The following GOLGA4 variants were observed in gnomAD, a reference collection of about 807,000 sequenced individuals.
GOLGA4 encodes golgin A4.
A neutral mutation model predicts 265.9 loss-of-function variants in GOLGA4; 169 were observed. The ratio of observed to expected loss-of-function variants is 0.64; its 90% CI spans 0.56 to 0.72. GOLGA4 has a LOEUF of 0.72. Among genes scored for constraint, GOLGA4 ranks in the 30% least tolerant of loss-of-function variants. GOLGA4 has a pLI of 0.00. For synonymous variants in GOLGA4, 923 were observed against 855.8 expected (o/e 1.08, Z -1.37); for missense variants, 2,482 against 2,483.4 (o/e 1.00, Z 0.01).
intron 1 of GOLGA4, among the ~76,000 whole-genome samples, chr3:37,246,051 T>C (rs2096718658): frequency 6.6e-6 from 1 of 152,248 alleles, no homozygotes; most frequent in South Asian, 2.1e-4. Flanking sequence ...CTGGCCAAGA[T>C]GGCAAAATCC....
chr3:37,327,921 T>A, intron 14 of GOLGA4, 96 bp downstream of exon 14: 1 of 1,014,676 alleles, frequency 9.9e-7, no homozygotes, highest in Non-Finnish European at 1.4e-6. Flanking sequence ...ATTATTTGGA[T>A]AAGTTTCACC....
At chr3:37,294,632 C>A (rs988540153) in intron 5 of GOLGA4, among the ~76,000 whole-genome samples, 1 of 152,146 alleles carries the variant, frequency 6.6e-6, no homozygotes, top group Non-Finnish European at 1.5e-5. Flanking sequence ...AGTGATCCAC[C>A]CTCCTCGGCC....
chr3:37,244,187 G>C (rs1310155267), intron 1 of GOLGA4: 1 of 152,486 alleles, frequency 6.6e-6, no homozygotes, highest in Non-Finnish European at 1.5e-5. Flanking sequence ...GGTAGGAGCG[G>C]TGGGACCTGA....
chr3:37,362,938 A>G (rs1351014984), intron 23 of GOLGA4, among the ~76,000 whole-genome samples: 3 of 151,460 alleles, frequency 2.0e-5, no homozygotes, highest in Non-Finnish European at 4.4e-5. Context: ...ACCCGCCACC[A>G]TGCCCAGCTA....
At chr3:37,337,910 T>C (rs1409496653) in intron 19 of GOLGA4, among the ~76,000 whole-genome samples, 176 bp downstream of exon 19, 5 of 152,232 alleles carry the variant, frequency 3.3e-5, no homozygotes, top group African/African-American at 1.2e-4. Flanking sequence ...ATCATATATA[T>C]TTAAGCAAGA....
intron 3 of GOLGA4, among the ~76,000 whole-genome samples, 173 bp downstream of exon 3, chr3:37,282,445 A>G (rs2096837380): frequency 6.6e-6 from 1 of 152,322 alleles, no homozygotes; most frequent in African/African-American, 2.4e-5. Context: ...CTCAATATCT[A>G]GTTAAGTAAA....
chr3:37,288,405 GGCCAGCTTC>G (rs1247257348), intron 4 of GOLGA4, among the ~76,000 whole-genome samples: 6 of 151,076 alleles, frequency 4.0e-5, no homozygotes, highest in Non-Finnish European at 7.4e-5. Flanking sequence ...CACCATGCCC[GGCCAGCTTC>G]TTGATTTTTT....
At chr3:37,272,638 G>A (rs17036211) in intron 2 of GOLGA4, among the ~76,000 whole-genome samples, 5,846 of 152,216 alleles carry the variant, frequency 0.038, 142 homozygotes, top group African/African-American at 0.056. Context: ...TCAAAAAGTA[G>A]AAAACACGTT....
chr3:37,326,933 G>A lies in GOLGA4; in HGVS notation c.5047G>A (p.Glu1683Lys). Residue 1683 changes from glutamate to lysine, a missense_variant, in exon 14 of 24, where the codon GAA becomes AAA. Glu to Lys is a moderately conservative substitution (Grantham distance 56). Coordinates refer to ENST00000361924, the MANE Select transcript of GOLGA4 (RefSeq NM_002078.5). ...GAGTGAGCTAAATACAAAATTGCAG[G>A]AAAGAGAAAGGGAAGTTCACATCTT... ...HLSELNTKLQEREREVHILEE... is the reference protein window; with the variant it reads ...HLSELNTKLQKREREVHILEE... The A allele has an allele frequency of 6.2e-7, 1 of 1,613,864 alleles. No individual in the cohort carries two copies. The highest frequency in any genetic ancestry group is 8.5e-7 in the Non-Finnish European group (1 of 1,179,806).
chr3:37,339,123 A>G (rs2097024433), intron 19 of GOLGA4, among the ~76,000 whole-genome samples: 2 of 151,932 alleles, frequency 1.3e-5, no homozygotes. Flanking sequence ...CAGCCTCCCA[A>G]AGTGCTGGGA....
rs529432123 is a variant in GOLGA4 at position 37,335,532 on chromosome 3, A to T, written c.6306+366A>T. Among the ~76,000 whole-genome samples, 994 of 152,248 alleles carry T rather than the reference A, an allele frequency of 6.5e-3. 14 individuals are homozygous for T. The highest frequency in any genetic ancestry group is 0.022 in the African/African-American group (929 of 41,544). ...TCCATTGTAAATGTGATACTTTTAG[A>T]TTTTTGGATTTTTGTGCTAAAAATT... On this transcript the variant is annotated intron_variant, in intron 17 of 23. Coordinates refer to ENST00000361924, the MANE Select transcript of GOLGA4 (RefSeq NM_002078.5).
chr3:37,359,779 A>G (rs907369469), intron 22 of GOLGA4, among the ~76,000 whole-genome samples: 4 of 152,118 alleles, frequency 2.6e-5, no homozygotes, highest in African/African-American at 9.7e-5. Context: ...TAGGTACAAA[A>G]GTTTTCCATT....
chr3:37,244,224 A>C (rs1173622796), intron 1 of GOLGA4: 1 of 152,530 alleles, frequency 6.6e-6, no homozygotes, highest in Non-Finnish European at 1.5e-5. Flanking sequence ...GCCGGCGTCC[A>C]GCGCCCGAGG....
Position 37,324,243 on chromosome 3 carries a change from T to C in GOLGA4, c.2357T>C (p.Ile786Thr). ...CATGTAGAAAATTTAGAGGCAGATATTAAAAGGTCTGAAGGGGAACTCCAG... is the reference window on the plus strand; with the variant it reads ...CATGTAGAAAATTTAGAGGCAGATACTAAAAGGTCTGAAGGGGAACTCCAG... Reference protein sequence around the residue: ...QAHVENLEADIKRSEGELQQA... With the variant: ...QAHVENLEADTKRSEGELQQA... Residue 786 changes from isoleucine to threonine, a missense_variant, in exon 14 of 24, where the codon ATT becomes ACT. Ile to Thr is a moderately conservative substitution (Grantham distance 89, BLOSUM62 -1). Around this residue, in one of 3 missense-constraint regions of GOLGA4, gnomAD observed 1,536 missense variants for 1,483.7 expected, o/e 1.04. Transcript: ENST00000361924. 1 of 1,614,144 alleles carries C rather than the reference T, an allele frequency of 6.2e-7. No individual in the cohort carries two copies. The highest frequency in any genetic ancestry group is 8.5e-7 in the Non-Finnish European group (1 of 1,180,006).
At chr3:37,273,283 G>C (rs1262022969) in intron 2 of GOLGA4, among the ~76,000 whole-genome samples, 1 of 152,164 alleles carries the variant, frequency 6.6e-6, no homozygotes, top group Non-Finnish European at 1.5e-5. Flanking sequence ...TGACTAGCTT[G>C]AAATAGGTTT....
intron 2 of GOLGA4, among the ~76,000 whole-genome samples, chr3:37,260,252 G>A (rs185516353): frequency 2.0e-5 from 3 of 152,024 alleles, no homozygotes; most frequent in East Asian, 1.9e-4. Context: ...TGGGCCACAG[G>A]TTGGATGAAT....
At chr3:37,299,691 A>G (rs1000254968) in intron 9 of GOLGA4, among the ~76,000 whole-genome samples, 7 of 152,182 alleles carry the variant, frequency 4.6e-5, no homozygotes, top group South Asian at 2.1e-4. Context: ...ATAAATGTGA[A>G]TGATATCAGT....
intron 22 of GOLGA4, among the ~76,000 whole-genome samples, chr3:37,358,580 T>A (rs895900187): frequency 5.3e-5 from 8 of 152,186 alleles, no homozygotes; most frequent in Non-Finnish European, 1.0e-4. Flanking sequence ...TTCACAAGAC[T>A]AACATAATCT....
chr3:37,311,280 A>G (rs536203578), intron 10 of GOLGA4, among the ~76,000 whole-genome samples: 2 of 152,360 alleles, frequency 1.3e-5, no homozygotes, highest in South Asian at 4.1e-4. Flanking sequence ...TATATAAAAT[A>G]TAAATGCCTT....
Sources: gnomAD v4.1 joint callset for allele counts (sites outside exome capture counted in the v4.1 genomes callset) on GRCh38, gnomAD v4.1.1 for gene constraint, gnomAD v4.1.1 regional missense constraint, MANE v1.5 for transcripts, NCBI Gene and HGNC (gene_info 2026-07-23, HGNC 2026-07-21) for gene names.